Variants in PSD3 observed in about 807,000 individuals in gnomAD.
The protein encoded by PSD3 is pleckstrin and Sec7 domain containing 3, also known as PH and SEC7 domain-containing protein 3.
PSD3 carries 49 observed loss-of-function variants against 105.5 expected under a neutral mutation model. The ratio of observed to expected loss-of-function variants is 0.46; its 90% CI spans 0.37 to 0.59. The LOEUF (loss-of-function observed/expected upper bound fraction) is 0.59. Among genes scored for constraint, PSD3 ranks in the 20% least tolerant of loss-of-function variants. The pLI is 0.00. For missense variants in PSD3, 1,561 were observed against 1,263.8 expected, an observed-to-expected ratio of 1.24 and a Z score of -3.57; for synonymous variants, 557 against 457.8, an observed-to-expected ratio of 1.22 and a Z score of -2.77.
intron 1 of PSD3, among the ~76,000 whole-genome samples, chr8:18,938,215 G>C (rs1822281884): frequency 6.6e-6 from 1 of 152,338 alleles, no homozygotes; most frequent in East Asian, 1.9e-4. Flanking sequence ...AGAGATATCA[G>C]CTAGAAATCC....
intron 15 of PSD3, among the ~76,000 whole-genome samples, chr8:18,546,893 C>T (rs1383664123): frequency 6.6e-6 from 1 of 152,154 alleles, no homozygotes; most frequent in Non-Finnish European, 1.5e-5. Flanking sequence ...ATAACTGCTC[C>T]ATGGTTCGGG....
Position 18,935,328 on chromosome 8 carries a change from T to C in PSD3, c.130+706A>G, listed in dbSNP as rs139731704. 3.2e-3 allele frequency among the ~76,000 whole-genome samples: 482 copies of C among 152,018 alleles called. 1 individual carries two copies. Among genetic ancestry groups the C allele is most frequent in the African/African-American group, 0.011 (460 of 41,470 alleles). On this transcript the variant is annotated intron_variant, in intron 2 of 15. Transcript: ENST00000327040. ...ATAACCTCCAAAGTAAAGACTGCAG[T>C]GGCTGAAAATCATTGTGGAAATGTT...
intron 4 of PSD3, among the ~76,000 whole-genome samples, chr8:18,849,913 G>C (rs1180088527): frequency 1.3e-5 from 2 of 152,192 alleles, no homozygotes; most frequent in Non-Finnish European, 2.9e-5. Flanking sequence ...GCCAGTGACT[G>C]TTTCCCACCA....
chr8:18,848,888 G>T (rs1376383535), intron 4 of PSD3, among the ~76,000 whole-genome samples: 1 of 152,164 alleles, frequency 6.6e-6, no homozygotes, highest in Non-Finnish European at 1.5e-5. Context: ...ATACTTCTTG[G>T]TTCCCTCATG....
chr8:18,535,821 A>C lies in PSD3; in HGVS notation c.3066T>G (p.Thr1022=), dbSNP rs377467485. Residue 1022 remains threonine (T), a synonymous_variant, in exon 16 of 16, where the codon ACT becomes ACG. Transcript: ENST00000327040. ...PSLNPDTSPI[T]AKVKRNVSER... ...CTGACACGTTACGCTTGACTTTGGC[A>C]GTGATTGGAGAAGTATCCGGGTTCA... 970 of 1,614,000 alleles carry C rather than the reference A, an allele frequency of 6.0e-4. 3 individuals are homozygous for C. The highest frequency in any genetic ancestry group is 7.4e-4 in the Non-Finnish European group (870 of 1,179,994).
chr8:18,723,915 G>A (rs1803167350), intron 9 of PSD3, among the ~76,000 whole-genome samples: 1 of 152,006 alleles, frequency 6.6e-6, no homozygotes. Context: ...AATGTGATTG[G>A]CAACTTCCGT....
intron 1 of PSD3, among the ~76,000 whole-genome samples, chr8:19,006,225 G>C (rs1409716240): frequency 6.6e-6 from 1 of 150,916 alleles, no homozygotes; most frequent in South Asian, 2.1e-4. Flanking sequence ...CCCGGGAGGC[G>C]GGGGTTGCAG....
At chr8:18,565,029 A>T (rs955177838) in intron 14 of PSD3, among the ~76,000 whole-genome samples, 1 of 152,202 alleles carries the variant, frequency 6.6e-6, no homozygotes, top group African/African-American at 2.4e-5. Flanking sequence ...CTAAAGAAGC[A>T]AGGAAAGACC....
intron 2 of PSD3, among the ~76,000 whole-genome samples, chr8:18,892,929 A>C (rs1818907422): frequency 6.6e-6 from 1 of 152,138 alleles, no homozygotes; most frequent in African/African-American, 2.4e-5. Flanking sequence ...CCAGCCCCTA[A>C]GTAAATTCTT....
chr8:19,016,917 C>G (rs148474852), upstream of PSD3, among the ~76,000 whole-genome samples: 2 of 152,194 alleles, frequency 1.3e-5, no homozygotes, highest in African/African-American at 4.8e-5. Flanking sequence ...AGAGCAGAGC[C>G]CTTATGACCC....
At chr8:18,814,347 AAAATGACCC>A (rs1295784431) in intron 4 of PSD3, among the ~76,000 whole-genome samples, 3 of 152,202 alleles carry the variant, frequency 2.0e-5, no homozygotes, top group African/African-American at 4.8e-5. Flanking sequence ...AGTGCCATGG[AAAATGACCC>A]AAACTCACTG....
intron 9 of PSD3, among the ~76,000 whole-genome samples, chr8:18,724,322 T>C (rs1803199489): frequency 6.6e-6 from 1 of 152,138 alleles, no homozygotes; most frequent in Non-Finnish European, 1.5e-5. Context: ...TTAGAGTTCT[T>C]ACTGTTGGGC....
intron 12 of PSD3, among the ~76,000 whole-genome samples, chr8:18,585,616 C>T: frequency 6.6e-6 from 1 of 152,114 alleles, no homozygotes. Flanking sequence ...CTGTGCCCAA[C>T]CACACCAGAC....
chr8:18,931,243 G>A (rs189672530), intron 2 of PSD3, among the ~76,000 whole-genome samples: 68 of 151,690 alleles, frequency 4.5e-4, no homozygotes, highest in African/African-American at 1.2e-3. Context: ...AAACTGTTGC[G>A]AAACCCTGAT....
At position 18,897,857 on chromosome 8, in the gene PSD3, C is replaced by T. The variant is rs370221221; in HGVS notation, c.131-25124G>A. The stretch of plus-strand genomic sequence containing the variant: ...TGATTTTTCTAAGTTGATTTTGTAT[C>T]CTGCAACTTTACTGAATTAGACGGT... On this transcript the variant is annotated intron_variant, in intron 2 of 15. Coordinates refer to ENST00000327040, the MANE Select transcript of PSD3 (RefSeq NM_015310.4). Among the ~76,000 whole-genome samples, 8 of 152,122 alleles carry T rather than the reference C, an allele frequency of 5.3e-5. No homozygotes were observed. In the East Asian group the frequency reaches 1.5e-3, roughly 29 times the overall value.
intron 12 of PSD3, among the ~76,000 whole-genome samples, chr8:18,595,426 T>G (rs1804018186): frequency 7.4e-6 from 1 of 134,742 alleles, no homozygotes; most frequent in Non-Finnish European, 1.6e-5. Context: ...GCTGGGAGTG[T>G]GGTTGAATGT....
At chr8:18,652,112 G>A (rs1005469119) in intron 10 of PSD3, among the ~76,000 whole-genome samples, 7 of 152,112 alleles carry the variant, frequency 4.6e-5, no homozygotes, top group African/African-American at 7.2e-5. Context: ...CAGGTAAGCC[G>A]GAAACGCTGG....
chr8:18,573,904 C>T (rs28648618), intron 13 of PSD3, among the ~76,000 whole-genome samples: 17,614 of 152,050 alleles, frequency 0.12, 1,804 homozygotes, highest in African/African-American at 0.27. Flanking sequence ...AAAAAAATCA[C>T]TGAAATGTAC....
intron 4 of PSD3, among the ~76,000 whole-genome samples, chr8:18,816,219 T>A (rs1031486134): frequency 9.9e-5 from 15 of 152,240 alleles, no homozygotes; most frequent in African/African-American, 3.6e-4. Flanking sequence ...ATGTTTACTC[T>A]GTTTAATACA....
Sources: allele counts gnomAD v4.1 joint callset (sites outside exome capture counted in the v4.1 genomes callset), GRCh38; gene constraint gnomAD v4.1.1; transcripts MANE v1.5; gene names NCBI Gene and HGNC (gene_info 2026-07-23, HGNC 2026-07-21).